The following PARD3B variants were observed in gnomAD, a reference collection of about 807,000 sequenced individuals.
The protein encoded by PARD3B is par-3 family cell polarity regulator beta.
In PARD3B, 103 loss-of-function variants were observed where a neutral mutation model predicts 130.2. The ratio of observed to expected loss-of-function variants is 0.79; its 90% CI spans 0.67 to 0.93. PARD3B has a LOEUF of 0.93. PARD3B is among the 40% of genes least tolerant of loss of function. The pLI is 0.00. For synonymous variants in PARD3B, 583 were observed against 553.2 expected (o/e 1.05, Z -0.76); for missense variants, 1,609 against 1,499.2 (o/e 1.07, Z -1.21).
At chr2:204,772,335 C>A (rs1258003128) in intron 2 of PARD3B, among the ~76,000 whole-genome samples, 1 of 151,892 alleles carries the variant, frequency 6.6e-6, no homozygotes, top group East Asian at 1.9e-4. Flanking sequence ...CCACAGTAAC[C>A]AATTTACTGT....
rs2106031906 is a variant in PARD3B, at chr2:205,405,997, A to G, written c.2741+4874A>G. ...GTACAAAATAAAGGAAGCAACAATAATTCTAATTTTACACTGCTTAGATCA... is the reference window on the plus strand; with the variant it reads ...GTACAAAATAAAGGAAGCAACAATAGTTCTAATTTTACACTGCTTAGATCA... On this transcript the variant is annotated intron_variant, in intron 19 of 22. Coordinates refer to ENST00000406610, the MANE Select transcript of PARD3B (RefSeq NM_001302769.2). This position sits in a 1 kb window ranked among gnomAD's most constrained non-coding sequence, Gnocchi z 4.1. Among the ~76,000 whole-genome samples the G allele has an allele frequency of 2.0e-5, 3 of 152,312 alleles. No individual in the cohort carries two copies. The highest frequency in any genetic ancestry group is 2.0e-4 in the Admixed American group (3 of 15,296).
At chr2:205,443,622 G>C (rs2047803473) in intron 20 of PARD3B, among the ~76,000 whole-genome samples, 2 of 152,234 alleles carry the variant, frequency 1.3e-5, no homozygotes, top group Admixed American at 6.5e-5. Context: ...AGCAATTGCA[G>C]TGGAAGAATT....
intron 11 of PARD3B, among the ~76,000 whole-genome samples, 180 bp from the exon 12 acceptor site, chr2:205,172,031 A>G (rs1010403582): frequency 9.2e-5 from 14 of 152,210 alleles, no homozygotes; most frequent in African/African-American, 3.4e-4. Context: ...TATCACTGGT[A>G]TTTGTGACTA....
intron 10 of PARD3B, among the ~76,000 whole-genome samples, chr2:205,140,769 C>T (rs1234365303): frequency 6.6e-6 from 1 of 152,008 alleles, no homozygotes; most frequent in African/African-American, 2.4e-5. Flanking sequence ...ATGATTTGTA[C>T]TTATTCATAA....
Position 205,021,630 on chromosome 2 carries a change from TTCTCTCTC to T in PARD3B, c.395-25937_395-25930del, listed in dbSNP as rs751947350. Among the ~76,000 whole-genome samples the T allele has an allele frequency of 2.1e-5, 3 of 142,430 alleles. No homozygotes were observed. The allele number at this position is 142,430 out of a possible 152,430, so 93.4% of individuals were successfully genotyped here. A position where few individuals can be genotyped will look rare whatever the true frequency, so the allele number is the denominator to read the frequency against. ...TCTCTCTCTCTCTCTCCCTCTCTCT[TTCTCTCTC>T]TCTCTCTCTCTCTATATATATATAT... On this transcript the variant is annotated intron_variant, in intron 3 of 22. Transcript: ENST00000406610. This position sits in a 1 kb window ranked among gnomAD's most constrained non-coding sequence, Gnocchi z 4.5.
chr2:205,013,870 A>G (rs1178187042), intron 3 of PARD3B, among the ~76,000 whole-genome samples: 3 of 152,196 alleles, frequency 2.0e-5, no homozygotes, highest in Non-Finnish European at 2.9e-5. Flanking sequence ...TCCACAGCCA[A>G]TGGAAGTAAG....
chr2:204,585,540 A>G (rs942514546), intron 1 of PARD3B, among the ~76,000 whole-genome samples: 3 of 146,858 alleles, frequency 2.0e-5, no homozygotes, highest in Non-Finnish European at 3.0e-5. Context: ...GACAGGGTTC[A>G]GCTATATTGT....
chr2:205,535,801 C>G (rs193100454), intron 21 of PARD3B, among the ~76,000 whole-genome samples: 2 of 152,256 alleles, frequency 1.3e-5, no homozygotes, highest in East Asian at 3.9e-4. Context: ...TTGTGAGAAT[C>G]CCTGATTTCA....
intron 21 of PARD3B, among the ~76,000 whole-genome samples, chr2:205,544,250 G>C (rs1346880740): frequency 6.6e-6 from 1 of 151,342 alleles, no homozygotes; most frequent in Admixed American, 6.6e-5. Flanking sequence ...TTTTCCTAAT[G>C]CCTTTTTTTT....
chr2:205,433,104 G>A (rs2047392890), intron 19 of PARD3B, among the ~76,000 whole-genome samples: 2 of 152,132 alleles, frequency 1.3e-5, no homozygotes, highest in Admixed American at 1.3e-4. Context: ...TATAATAACT[G>A]CTTTTAGATA....
chr2:205,241,846 C>G lies in PARD3B; in HGVS notation c.2141-3932C>G, dbSNP rs950200810. Among the ~76,000 whole-genome samples, 2 of 152,126 alleles carry G rather than the reference C, an allele frequency of 1.3e-5. No individual in the cohort carries two copies. Among genetic ancestry groups the G allele is most frequent in the African/African-American group, 4.8e-5 (2 of 41,428 alleles). ...CTGTGCTAAATATTATGCAGTGAAA[C>G]TACTAGACGTAAGCTTAAGCCCCAA... On this transcript the variant is annotated intron_variant, in intron 15 of 22. Transcript: ENST00000406610. This position sits in a 1 kb window ranked among gnomAD's most constrained non-coding sequence, Gnocchi z 4.2.
chr2:204,665,217 G>T (rs1262539139), intron 1 of PARD3B, among the ~76,000 whole-genome samples: 1 of 151,846 alleles, frequency 6.6e-6, no homozygotes, highest in African/African-American at 2.4e-5. Flanking sequence ...TATGCATATA[G>T]TTGTGAAAGG....
At chr2:205,486,920 A>G (rs1245947067) in intron 20 of PARD3B, among the ~76,000 whole-genome samples, 2 of 152,184 alleles carry the variant, frequency 1.3e-5, no homozygotes, top group Non-Finnish European at 2.9e-5. Context: ...TAGCATATGG[A>G]CGTAAAAGGA....
chr2:205,304,967 C>G (rs572612652), intron 18 of PARD3B, among the ~76,000 whole-genome samples: 1 of 152,122 alleles, frequency 6.6e-6, no homozygotes, highest in South Asian at 2.1e-4. Flanking sequence ...TTAAAAAGAA[C>G]AAAATTTCAG....
At chr2:205,402,549 C>A (rs1320409699) in intron 19 of PARD3B, among the ~76,000 whole-genome samples, 1 of 152,120 alleles carries the variant, frequency 6.6e-6, no homozygotes, top group Admixed American at 6.6e-5. Context: ...CTCTTAGTAG[C>A]TGGGGAACTG....
rs1430097105 is a variant in PARD3B, at chr2:204,884,309, T to C, written c.223-80843T>C. Among the ~76,000 whole-genome samples, 4 of 152,310 alleles carry C rather than the reference T, an allele frequency of 2.6e-5. No homozygotes were observed. In the East Asian group the frequency reaches 7.7e-4, roughly 29 times the overall value. On this transcript the variant is annotated intron_variant, in intron 2 of 22. Transcript: ENST00000406610. ...CTTGACTAAGAAAAAAGGAAAAGCT[T>C]TATAATTTGAATGCTTTCAAATAGA...
intron 19 of PARD3B, among the ~76,000 whole-genome samples, chr2:205,414,506 TG>T (rs2106066249): frequency 6.6e-6 from 1 of 152,268 alleles, no homozygotes; most frequent in South Asian, 2.1e-4. Context: ...CAAACATTCT[TG>T]CTTATTTTTG....
chr2:204,785,391 G>C (rs550776178), intron 2 of PARD3B, among the ~76,000 whole-genome samples: 35 of 152,016 alleles, frequency 2.3e-4, no homozygotes, highest in African/African-American at 7.7e-4. Context: ...GCTGAATTAT[G>C]TGCCAGCCCC....
chr2:205,600,575 G>A (rs568595861), intron 22 of PARD3B, among the ~76,000 whole-genome samples: 7 of 152,264 alleles, frequency 4.6e-5, no homozygotes, highest in African/African-American at 1.7e-4. Flanking sequence ...CGTGTGCTAT[G>A]GTGGGTTGCT....
Sources: allele counts gnomAD v4.1 joint callset (sites outside exome capture counted in the v4.1 genomes callset), GRCh38; gene constraint gnomAD v4.1.1; non-coding constraint Gnocchi (gnomAD v3.1); transcripts MANE v1.5; gene names NCBI Gene and HGNC (gene_info 2026-07-23, HGNC 2026-07-21).